TBC1D4: variants seen among roughly 807,000 people sequenced by gnomAD.
The protein encoded by TBC1D4 is TBC (Tre-2, BUB2, CDC16) domain-containing protein.
TBC1D4 carries 121 observed loss-of-function variants against 142.5 expected under a neutral mutation model. The ratio of observed to expected loss-of-function variants is 0.85; its 90% CI spans 0.73 to 0.99. The LOEUF (loss-of-function observed/expected upper bound fraction) is 0.99, where lower values mean the gene tolerates loss of function less well. TBC1D4 is among the 50% of genes least tolerant of loss of function. The pLI, the probability that TBC1D4 is intolerant of heterozygous loss-of-function variation, is 0.00. For synonymous variants in TBC1D4, 630 were observed against 628.2 expected, an observed-to-expected ratio of 1.00 and a Z score of -0.04; for missense variants, 1,475 against 1,606.6, an observed-to-expected ratio of 0.92 and a Z score of 1.40.
At chr13:75,378,341 T>A (rs1157778695) in intron 1 of TBC1D4, among the ~76,000 whole-genome samples, 1 of 152,196 alleles carries the variant, frequency 6.6e-6, no homozygotes, top group Non-Finnish European at 1.5e-5. Flanking sequence ...CTCATTCTTA[T>A]GTTGCTTCCT....
rs533772930 is a variant in TBC1D4 at position 75,433,799 on chromosome 13, A to C, written c.498+47471T>G. Among the ~76,000 whole-genome samples the C allele has an allele frequency of 2.0e-5, 3 of 152,356 alleles. No individual in the cohort carries two copies. In the South Asian group the frequency reaches 6.2e-4, roughly 32 times the overall value. On this transcript the variant is annotated intron_variant, in intron 1 of 20. Coordinates refer to ENST00000377636, the MANE Select transcript of TBC1D4 (RefSeq NM_014832.5). The stretch of plus-strand genomic sequence containing the variant: ...AAAAGTCTAACATCCAGTGTCTATA[A>C]GAAACTTAAACAAATTTACAAGGGA...
At chr13:75,348,939 T>C (rs956291093) in intron 5 of TBC1D4, among the ~76,000 whole-genome samples, 1 of 131,104 alleles carries the variant, frequency 7.6e-6, no homozygotes, top group African/African-American at 3.1e-5. Flanking sequence ...GGAGAGAGAG[T>C]AGAGAGAGAG....
At chr13:75,332,673 G>T (rs1201889943) in intron 8 of TBC1D4, among the ~76,000 whole-genome samples, 1 of 152,084 alleles carries the variant, frequency 6.6e-6, no homozygotes, top group African/African-American at 2.4e-5. Context: ...AAGGAAAAAG[G>T]CATATTTTAT....
chr13:75,307,460 GAGAAGGAAGAGC>G (rs1877296867), intron 14 of TBC1D4, among the ~76,000 whole-genome samples: 1 of 152,066 alleles, frequency 6.6e-6, no homozygotes, highest in South Asian at 2.1e-4. Flanking sequence ...GATTTCAAAA[GAGAAGGAAGAGC>G]AGACACAAGA....
chr13:75,481,373 T>A lies in TBC1D4; in HGVS notation c.395A>T (p.Asn132Ile). ...KAQHISRFIH[N>I]SHDLTYFAYL... ...GGCAAAGTAGGTGAGGTCGTGGCTG[T>A]TGTGGATGAAGCGCGAGATATGCTG... Residue 132 changes from asparagine to isoleucine, a missense_variant, in exon 1 of 21, where the codon AAC becomes ATC. By Grantham distance (149) the Asn-to-Ile change is moderately radical. This residue lies in a region of TBC1D4 where 1,227 missense variants were observed against 1,267.7 expected (regional missense o/e 0.97). Coordinates refer to ENST00000377636, the MANE Select transcript of TBC1D4 (RefSeq NM_014832.5). The A allele has an allele frequency of 6.2e-7, 1 of 1,613,696 alleles. No homozygotes were observed. The highest frequency in any genetic ancestry group is 8.5e-7 in the Non-Finnish European group (1 of 1,179,822).
chr13:75,481,214 G>T, intron 1 of TBC1D4, 56 bp downstream of exon 1: 6 of 1,029,730 alleles, frequency 5.8e-6, no homozygotes, highest in African/African-American at 1.6e-5. Flanking sequence ...CTCCCGCCCT[G>T]CTCCCCGATC....
rs200357424 is a variant in TBC1D4, at chr13:75,337,051, A to G, written c.1612-11T>C. 1.8e-4 allele frequency: 285 copies of G among 1,610,248 alleles called. No homozygotes were observed. The African/African-American group carries it at 3.3e-3, about 19-fold the overall frequency. On this transcript the variant is annotated splice_polypyrimidine_tract_variant and intron_variant, in intron 7 of 20. Transcript: ENST00000377636. The stretch of plus-strand genomic sequence containing the variant: ...ACTATTTGAAATAGTCTAAAAAAAG[A>G]AAAACAGATACATTTTAGTTTGGAA...
At position 75,312,606 on chromosome 13, in the gene TBC1D4, AC is replaced by A. The variant is rs911477871; in HGVS notation, c.2383+131del. The A allele has an allele frequency of 3.2e-5, 38 of 1,201,980 alleles. No individual in the cohort carries two copies. The African/African-American group carries it at 5.1e-4, about 16-fold the overall frequency. The allele number at this position is 1,201,980 out of a possible 1,614,324, so 74.5% of individuals were successfully genotyped here. A position where few individuals can be genotyped will look rare whatever the true frequency, so the allele number is the denominator to read the frequency against. ...TTTTCTAATGATACCTGAAAGAGAA[AC>A]CACTGTATCACATACAGAAAGATAT... On this transcript the variant is annotated intron_variant, in intron 13 of 20. Transcript: ENST00000377636.
intron 1 of TBC1D4, among the ~76,000 whole-genome samples, chr13:75,466,455 A>G (rs1341796978): frequency 6.6e-6 from 1 of 151,872 alleles, no homozygotes; most frequent in African/African-American, 2.4e-5. Context: ...ATTTAACAAT[A>G]ATTTTTTAAA....
chr13:75,302,641 T>A (rs1373958402), intron 15 of TBC1D4: 1 of 566,830 alleles, frequency 1.8e-6, no homozygotes, highest in East Asian at 3.0e-5. Context: ...AACAATAACA[T>A]CACCCGTTGC....
At chr13:75,305,317 C>G (rs1457678040) in intron 15 of TBC1D4, among the ~76,000 whole-genome samples, 1 of 152,176 alleles carries the variant, frequency 6.6e-6, no homozygotes, top group African/African-American at 2.4e-5. Flanking sequence ...GTACAAAGGC[C>G]TTGGGCACAG....
chr13:75,429,357 A>G (rs919370936), intron 1 of TBC1D4, among the ~76,000 whole-genome samples: 1 of 152,240 alleles, frequency 6.6e-6, no homozygotes, highest in African/African-American at 2.4e-5. Flanking sequence ...AAGTCCATCT[A>G]GTTTCAGAGT....
At chr13:75,361,339 C>A (rs982563591) in intron 2 of TBC1D4, among the ~76,000 whole-genome samples, 39 of 152,094 alleles carry the variant, frequency 2.6e-4, no homozygotes, top group African/African-American at 8.0e-4. Context: ...CATGCCAAAT[C>A]GCACTCTCTC....
chr13:75,437,283 A>G (rs7331937), intron 1 of TBC1D4, among the ~76,000 whole-genome samples: 173 of 152,294 alleles, frequency 1.1e-3, no homozygotes, highest in African/African-American at 3.1e-3. Context: ...ATTTCAGGAA[A>G]AATCCAACGA....
At chr13:75,412,514 A>G (rs1165314119) in intron 1 of TBC1D4, among the ~76,000 whole-genome samples, 2 of 152,084 alleles carry the variant, frequency 1.3e-5, no homozygotes, top group Non-Finnish European at 2.9e-5. Flanking sequence ...CTATGTTGCA[A>G]GGCTGGTCTC....
intron 1 of TBC1D4, among the ~76,000 whole-genome samples, chr13:75,437,853 T>C (rs1360126234): frequency 6.6e-6 from 1 of 152,184 alleles, no homozygotes; most frequent in East Asian, 1.9e-4. Context: ...TATTTGAAGA[T>C]GCATTAACTC....
At chr13:75,406,644 T>C (rs1246511941) in intron 1 of TBC1D4, among the ~76,000 whole-genome samples, 1 of 152,198 alleles carries the variant, frequency 6.6e-6, no homozygotes, top group African/African-American at 2.4e-5. Context: ...ATAACATATA[T>C]AGTTCTATTT....
At chr13:75,396,853 T>C (rs1241832986) in intron 1 of TBC1D4, among the ~76,000 whole-genome samples, 2 of 152,052 alleles carry the variant, frequency 1.3e-5, no homozygotes, top group African/African-American at 4.8e-5. Context: ...GATTAAAGAA[T>C]AGACATTTTC....
intron 1 of TBC1D4, among the ~76,000 whole-genome samples, chr13:75,380,253 C>T (rs954783620): frequency 6.6e-6 from 1 of 151,742 alleles, no homozygotes; most frequent in Non-Finnish European, 1.5e-5. Context: ...GGGTGGATCA[C>T]CTGAGGTCAG....
Sources: gnomAD v4.1 joint callset for allele counts (sites outside exome capture counted in the v4.1 genomes callset) on GRCh38, gnomAD v4.1.1 for gene constraint, gnomAD v4.1.1 regional missense constraint, MANE v1.5 for transcripts, NCBI Gene and HGNC (gene_info 2026-07-23, HGNC 2026-07-21) for gene names.